The following PRKCB variants were observed in gnomAD, a reference collection of about 807,000 sequenced individuals.
The protein encoded by PRKCB is protein kinase C beta, also known as protein kinase C beta type.
A neutral mutation model predicts 81.5 loss-of-function variants in PRKCB; 13 were observed. The observed-to-expected ratio is 0.16, with a 90% CI of 0.10 to 0.25. PRKCB has a LOEUF of 0.25. Ranked by LOEUF, PRKCB falls within the 10% of genes least tolerant of loss-of-function variation. PRKCB has a pLI of 1.00. For synonymous variants in PRKCB, 335 were observed against 321.4 expected (o/e 1.04, Z -0.45); for missense variants, 509 against 875.7 (o/e 0.58, Z 5.29).
In PRKCB at chr16:23,847,551, A is replaced by ACCATCCAT. The variant is rs1055062679; in HGVS notation, c.205+10164_205+10171dup. On this transcript the variant is annotated intron_variant, in intron 2 of 16. Transcript: ENST00000643927. ...AGCTATTCTTCCATTCATCCATCCA[A>ACCATCCAT]CCATCCATCCATCCATCCATCCATC... 4.5e-4 allele frequency among the ~76,000 whole-genome samples: 31 copies of ACCATCCAT among 68,374 alleles called. No individual in the cohort carries two copies. In the East Asian group the frequency reaches 6.0e-3, roughly 13 times the overall value. The allele number at this position is 68,374 out of a possible 152,430, so 44.9% of individuals were successfully genotyped here. A position where few individuals can be genotyped will look rare whatever the true frequency, so the allele number is the denominator to read the frequency against.
chr16:24,163,285 A>G (rs940603475), intron 10 of PRKCB, among the ~76,000 whole-genome samples: 3 of 152,238 alleles, frequency 2.0e-5, no homozygotes, highest in Non-Finnish European at 2.9e-5. Context: ...GGACATAGTT[A>G]TAGGCTAGTG....
intron 9 of PRKCB, among the ~76,000 whole-genome samples, chr16:24,146,287 T>C (rs574821241): frequency 6.6e-6 from 1 of 152,300 alleles, no homozygotes; most frequent in South Asian, 2.1e-4. Context: ...TTTTGGCTCT[T>C]CCTTTTGGTC....
intron 3 of PRKCB, among the ~76,000 whole-genome samples, chr16:24,026,401 T>C (rs1407727475): frequency 6.6e-6 from 1 of 152,232 alleles, no homozygotes; most frequent in Non-Finnish European, 1.5e-5. Context: ...ACTGTTGATA[T>C]GGAGAAAGGT....
intron 16 of PRKCB, among the ~76,000 whole-genome samples, chr16:24,203,558 CCA>C (rs1329283520): frequency 1.2e-4 from 18 of 152,134 alleles, no homozygotes; most frequent in Middle Eastern, 3.2e-3. Context: ...AACCATATCA[CCA>C]CATTTGCTGA....
chr16:23,893,796 T>C (rs753171214), intron 2 of PRKCB: 4 of 152,268 alleles, frequency 2.6e-5, no homozygotes, highest in Non-Finnish European at 5.9e-5. Flanking sequence ...ACGGATGTAC[T>C]AAAATTTACC....
rs1017698198 is a variant in PRKCB at position 23,910,873 on chromosome 16, G to A, written c.205+73467G>A. Among the ~76,000 whole-genome samples, 3 of 151,606 alleles carry A rather than the reference G, an allele frequency of 2.0e-5. No individual in the cohort carries two copies. The East Asian group carries it at 5.8e-4, about 29-fold the overall frequency. ...CCCTGGTAACCAACAAACTAATTCC[G>A]TTTCTGTAGATTTGCCTATCCTAGA... is the stretch of plus-strand genomic sequence containing the variant. On this transcript the variant is annotated intron_variant, in intron 2 of 16. Transcript: ENST00000643927.
chr16:23,902,720 C>CCCTCCCTT (rs1963493151), intron 2 of PRKCB, among the ~76,000 whole-genome samples: 1 of 75,902 alleles, frequency 1.3e-5, no homozygotes, highest in South Asian at 7.9e-4. Context: ...GTTTTTCCCT[C>CCCTCCCTT]CCTCCCTTCC....
chr16:24,132,318 G>C (rs1966854501), intron 9 of PRKCB, among the ~76,000 whole-genome samples: 1 of 152,168 alleles, frequency 6.6e-6, no homozygotes. Flanking sequence ...AAATAAGATT[G>C]GAATCCATAC....
chr16:23,914,899 C>T (rs932135220), intron 2 of PRKCB, among the ~76,000 whole-genome samples: 2 of 152,180 alleles, frequency 1.3e-5, no homozygotes, highest in Non-Finnish European at 2.9e-5. Context: ...TTAAGCAGAA[C>T]ACACTGGGGT....
At chr16:23,979,033 A>G (rs1964660361) in intron 2 of PRKCB, among the ~76,000 whole-genome samples, 1 of 152,180 alleles carries the variant, frequency 6.6e-6, no homozygotes, top group Admixed American at 6.5e-5. Flanking sequence ...TACAGGCCGC[A>G]TGGGGTGAGC....
rs879318180 is a variant in PRKCB at position 24,214,936 on chromosome 16, A to G, written c.*120A>G. The G allele has an allele frequency of 6.1e-5, 93 of 1,519,976 alleles. No individual in the cohort carries two copies. The highest frequency in any genetic ancestry group is 7.8e-5 in the Non-Finnish European group (89 of 1,139,972). 94.2% of individuals were successfully genotyped at this position (1,519,976 alleles called of 1,614,324 possible). On this transcript the variant is annotated 3_prime_UTR_variant, in exon 17 of 17. Coordinates refer to ENST00000643927, the MANE Select transcript of PRKCB (RefSeq NM_002738.7). The stretch of plus-strand genomic sequence containing the variant: ...ATGTTTGATTTTCTGATGAGACTAG[A>G]GTGACAGTGTTTCAGAACCCAAATG...
rs918727354 is a variant in PRKCB, at chr16:24,219,769, A to G, written c.*4953A>G. ...TCTTTTCTTAGAAAATTTCCACCAC[A>G]TTTCTATCCCCAAGCCAACATACAA... On this transcript the variant is annotated 3_prime_UTR_variant, in exon 17 of 17. Transcript: ENST00000643927. 15 of 1,400,962 alleles carry G rather than the reference A, an allele frequency of 1.1e-5. No individual in the cohort carries two copies. The African/African-American group carries it at 1.5e-4, about 14-fold the overall frequency. The allele number at this position is 1,400,962 out of a possible 1,614,324, so 86.8% of individuals were successfully genotyped here.
intron 3 of PRKCB, among the ~76,000 whole-genome samples, chr16:23,991,828 G>A (rs780454137): frequency 6.6e-6 from 1 of 152,208 alleles, no homozygotes; most frequent in Non-Finnish European, 1.5e-5. Context: ...AAGAGCTAAA[G>A]TCTCATTAGA....
chr16:24,096,511 A>G (rs913117331), intron 7 of PRKCB, among the ~76,000 whole-genome samples: 1 of 151,582 alleles, frequency 6.6e-6, no homozygotes, highest in African/African-American at 2.4e-5. Flanking sequence ...CCACTGTCAG[A>G]TGGTGTCTGA....
intron 2 of PRKCB, among the ~76,000 whole-genome samples, chr16:23,976,721 T>C (rs1964632409): frequency 6.6e-6 from 1 of 152,170 alleles, no homozygotes; most frequent in Admixed American, 6.5e-5. Flanking sequence ...CCTTAGACCA[T>C]GGCATTGTGT....
At chr16:23,879,368 C>T (rs549192310) in intron 2 of PRKCB, among the ~76,000 whole-genome samples, 2 of 151,932 alleles carry the variant, frequency 1.3e-5, no homozygotes, top group South Asian at 4.1e-4. Flanking sequence ...GGATGAAGTT[C>T]AGCAATACTC....
Position 24,218,631 on chromosome 16 carries a change from G to A in PRKCB, c.*3815G>A. The A allele has an allele frequency of 2.0e-6, 2 of 979,322 alleles. No individual in the cohort carries two copies. Among genetic ancestry groups the A allele is most frequent in the Non-Finnish European group, 2.4e-6 (2 of 828,550 alleles). 60.7% of individuals were successfully genotyped at this position (979,322 alleles called of 1,614,324 possible). On this transcript the variant is annotated 3_prime_UTR_variant, in exon 17 of 17. Coordinates refer to ENST00000643927, the MANE Select transcript of PRKCB (RefSeq NM_002738.7). Reference sequence around the variant, plus strand: ...AGTCTTGTAAAAGGTCTTTTGCAAAGGAGAGTGAACCCAGCAATGAGAGAT... The same window carrying A: ...AGTCTTGTAAAAGGTCTTTTGCAAAAGAGAGTGAACCCAGCAATGAGAGAT...
intron 2 of PRKCB, among the ~76,000 whole-genome samples, chr16:23,896,961 C>T (rs1963390220): frequency 6.6e-6 from 1 of 151,990 alleles, no homozygotes; most frequent in South Asian, 2.1e-4. Context: ...TCCACCCACC[C>T]ATCTACCCAC....
In PRKCB at chr16:24,021,293, CCCTTCCTT is replaced by C. The variant is rs1157671937; in HGVS notation, c.289-10787_289-10780del. ...TTTTCTTTCTTTTCTCCCTCTCCCT[CCCTTCCTT>C]CCTTCCTTCCTTCCTTCCTTCCTTC... is the stretch of plus-strand genomic sequence containing the variant. On this transcript the variant is annotated intron_variant, in intron 3 of 16. Coordinates refer to ENST00000643927, the MANE Select transcript of PRKCB (RefSeq NM_002738.7). Among the ~76,000 whole-genome samples the C allele has an allele frequency of 9.9e-3, 181 of 18,372 alleles. 2 individuals are homozygous for C. The highest frequency in any genetic ancestry group is 0.016 in the African/African-American group (55 of 3,396). 12.1% of individuals were successfully genotyped at this position (18,372 alleles called of 152,430 possible).
Sources: gnomAD v4.1 joint callset for allele counts (sites outside exome capture counted in the v4.1 genomes callset) on GRCh38, gnomAD v4.1.1 for gene constraint, MANE v1.5 for transcripts, NCBI Gene and HGNC (gene_info 2026-07-23, HGNC 2026-07-21) for gene names.